The following NUP35 variants were observed in gnomAD, a reference collection of about 807,000 sequenced individuals.
NUP35 encodes the protein nucleoporin NUP35.
Under a neutral mutation model 41.5 loss-of-function variants are expected in NUP35, and 25 were observed. That is an observed-to-expected ratio of 0.60 (90% CI 0.44 to 0.84). The LOEUF (loss-of-function observed/expected upper bound fraction) is 0.84. Among genes scored for constraint, NUP35 ranks in the 40% least tolerant of loss-of-function variants. NUP35 has a pLI of 0.00. For missense variants in NUP35, 396 were observed against 396.6 expected (o/e 1.00, Z 0.01); for synonymous variants, 149 against 130.7 (o/e 1.14, Z -0.96).
In NUP35 at chr2:183,157,423, T is replaced by C. The variant is rs764372962; in HGVS notation, c.540-21T>C. On this transcript the variant is annotated intron_variant, in intron 5 of 8. Coordinates refer to ENST00000295119, the MANE Select transcript of NUP35 (RefSeq NM_138285.5). The stretch of plus-strand genomic sequence containing the variant: ...TTGATAGTAGAAGCTGACGTTTTCT[T>C]TGGACAACTCTTTTTTTCAGGTTTC... The C allele has an allele frequency of 5.7e-6, 9 of 1,582,888 alleles. No individual in the cohort carries two copies. The Admixed American group carries it at 1.3e-4, about 24-fold the overall frequency.
intron 4 of NUP35, among the ~76,000 whole-genome samples, chr2:183,147,611 T>G (rs2105592934): frequency 6.6e-6 from 1 of 152,330 alleles, no homozygotes; most frequent in East Asian, 1.9e-4. Flanking sequence ...AGTCAGGTAA[T>G]ATGATGCTGC....
intron 5 of NUP35, 60 bp from the exon 6 acceptor site, chr2:183,157,384 A>G (rs72894593): frequency 0.035 from 40,766 of 1,158,626 alleles, 909 homozygotes; most frequent in Non-Finnish European, 0.043. Context: ...ATCTTGTAGT[A>G]ATTTGCATTC....
intron 3 of NUP35, among the ~76,000 whole-genome samples, chr2:183,133,312 C>G (rs1280194884): frequency 7.3e-6 from 1 of 137,230 alleles, no homozygotes; most frequent in Non-Finnish European, 1.5e-5. Context: ...TCACCTTTTA[C>G]AGAAGATAGT....
rs1167656474 is a variant in NUP35 at position 183,138,265 on chromosome 2, A to ATTTT, written c.397+4643_397+4644insTTTT. Among the ~76,000 whole-genome samples, 391 of 69,124 alleles carry ATTTT rather than the reference A, an allele frequency of 5.7e-3. 8 individuals are homozygous for ATTTT. The highest frequency in any genetic ancestry group is 0.029 in the East Asian group (86 of 2,940). The allele number at this position is 69,124 out of a possible 152,430, so 45.3% of individuals were successfully genotyped here. ...TAGAGCTATATATATATATATATAT[A>ATTTT]TATATTTTTTTTTTTTTTTAGCTCC... On this transcript the variant is annotated intron_variant, in intron 4 of 8. Coordinates refer to ENST00000295119, the MANE Select transcript of NUP35 (RefSeq NM_138285.5).
chr2:183,128,937 A>G (rs2705723), intron 2 of NUP35, among the ~76,000 whole-genome samples: 18,065 of 152,214 alleles, frequency 0.12, 1,279 homozygotes, highest in Non-Finnish European at 0.16. Context: ...TTTAAGTACC[A>G]CTAGGAAAGA....
At chr2:183,159,912 A>G (rs1685810032) in intron 8 of NUP35, 2 of 384,366 alleles carry the variant, frequency 5.2e-6, no homozygotes, top group Non-Finnish European at 9.3e-6. Context: ...TTTCTAAGTT[A>G]TATTTGCATA....
chr2:183,124,732 C>T (rs970802131), intron 1 of NUP35, among the ~76,000 whole-genome samples: 8 of 152,206 alleles, frequency 5.3e-5, no homozygotes, highest in African/African-American at 1.4e-4. Flanking sequence ...AAAAGGCCGT[C>T]TGGCGGTGAC....
At chr2:183,133,803 A>G (rs1429476718) in intron 4 of NUP35, among the ~76,000 whole-genome samples, 180 bp downstream of exon 4, 2 of 152,108 alleles carry the variant, frequency 1.3e-5, no homozygotes, top group Non-Finnish European at 2.9e-5. Flanking sequence ...TTTATTTTAT[A>G]TTTCAAACTT....
chr2:183,143,717 T>G (rs1009136247), intron 4 of NUP35, among the ~76,000 whole-genome samples: 1 of 152,170 alleles, frequency 6.6e-6, no homozygotes, highest in African/African-American at 2.4e-5. Flanking sequence ...ATTATATACT[T>G]TACACTAGTT....
intron 7 of NUP35, among the ~76,000 whole-genome samples, chr2:183,159,283 G>C (rs1685782906): frequency 6.6e-6 from 1 of 152,146 alleles, no homozygotes. Context: ...TGAGGTCACT[G>C]AAGTGAGATT....
chr2:183,157,422 T>G, intron 5 of NUP35, 22 bp from the exon 6 acceptor site: 1 of 1,580,406 alleles, frequency 6.3e-7, no homozygotes, highest in Non-Finnish European at 8.7e-7. Context: ...TGACGTTTTC[T>G]TTGGACAACT....
intron 5 of NUP35, among the ~76,000 whole-genome samples, chr2:183,153,008 G>C (rs1396541524): frequency 6.6e-6 from 1 of 152,156 alleles, no homozygotes; most frequent in Non-Finnish European, 1.5e-5. Flanking sequence ...CATGGTGGGA[G>C]GTGAAAGGCA....
In NUP35 at chr2:183,128,326, AGCCAGGAGTTAAT is replaced by A; in HGVS notation, c.84_96del (p.Gly29SerfsTer7). 8.1e-6 allele frequency: 13 copies of A among 1,613,608 alleles called. No individual in the cohort carries two copies. Among genetic ancestry groups the A allele is most frequent in the Non-Finnish European group, 1.0e-5 (12 of 1,179,720 alleles). Reference sequence around the variant, plus strand: ...ATGCTGGGTTCACCCACATCTCCAAAGCCAGGAGTTAATGCCCAGTTCTTACCTGGATTTTTAA... The same window carrying A: ...ATGCTGGGTTCACCCACATCTCCAAAGCCCAGTTCTTACCTGGATTTTTAA... On this transcript the variant is annotated frameshift_variant, in exon 2 of 9. Transcript: ENST00000295119. LOFTEE classifies it high-confidence loss of function.
rs1274144057 is a variant in NUP35, at chr2:183,161,036, G to A, written c.904-18G>A. 3.1e-6 allele frequency: 5 copies of A among 1,590,960 alleles called. No individual in the cohort carries two copies. Among genetic ancestry groups the A allele is most frequent in the African/African-American group, 1.4e-5 (1 of 73,932 alleles). ...TAACAATAACCTAACCGTTTTTTTTGTGTGTGTTTTTTAATAGGTTATTTC... is the reference window on the plus strand; with the variant it reads ...TAACAATAACCTAACCGTTTTTTTTATGTGTGTTTTTTAATAGGTTATTTC... On this transcript the variant is annotated intron_variant, in intron 8 of 8. Transcript: ENST00000295119.
In NUP35 at chr2:183,144,943, T is replaced by G. The variant is rs1342058791; in HGVS notation, c.398-6565T>G. 4.6e-5 allele frequency among the ~76,000 whole-genome samples: 7 copies of G among 152,340 alleles called. No individual in the cohort carries two copies. In the South Asian group the frequency reaches 1.2e-3, roughly 27 times the overall value. ...TTATTTTTAAAGGTTGTAACGGTTG[T>G]CACAATTCGAACCTTCATTTAATTT... On this transcript the variant is annotated intron_variant, in intron 4 of 8. Coordinates refer to ENST00000295119, the MANE Select transcript of NUP35 (RefSeq NM_138285.5).
At chr2:183,124,596 G>T in intron 1 of NUP35, 99 bp downstream of exon 1, 2 of 1,490,186 alleles carry the variant, frequency 1.3e-6, no homozygotes, top group Non-Finnish European at 1.9e-6. Flanking sequence ...CTCGTCTGCT[G>T]GTTTCAGTCG....
chr2:183,146,235 C>CA (rs201945920), intron 4 of NUP35, among the ~76,000 whole-genome samples: 4,751 of 147,384 alleles, frequency 0.032, 96 homozygotes, highest in Admixed American at 0.044. Flanking sequence ...GACTCTGTCT[C>CA]AAAAAAAAAA....
chr2:183,137,375 T>C (rs1221695092), intron 4 of NUP35, among the ~76,000 whole-genome samples: 1 of 151,968 alleles, frequency 6.6e-6, no homozygotes, highest in African/African-American at 2.4e-5. Flanking sequence ...GTCCAGGAGT[T>C]TTGAGACCAG....
chr2:183,151,802 T>A (rs541858046), intron 5 of NUP35, among the ~76,000 whole-genome samples, 153 bp downstream of exon 5: 1 of 152,346 alleles, frequency 6.6e-6, no homozygotes, highest in South Asian at 2.1e-4. Context: ...CTACATTTGC[T>A]TTGTCATTTA....
Sources: gnomAD v4.1 joint callset for allele counts (sites outside exome capture counted in the v4.1 genomes callset) on GRCh38, gnomAD v4.1.1 for gene constraint, MANE v1.5 for transcripts, NCBI Gene and HGNC (gene_info 2026-07-23, HGNC 2026-07-21) for gene names.